The following CMYA5 variants were observed in gnomAD, a reference collection of about 807,000 sequenced individuals.
CMYA5 encodes the protein cardiomyopathy associated 5.
Under a neutral mutation model 318.9 loss-of-function variants are expected in CMYA5, and 246 were observed. The ratio of observed to expected loss-of-function variants is 0.77; its 90% CI spans 0.70 to 0.86. The LOEUF (loss-of-function observed/expected upper bound fraction) is 0.86, where lower values mean the gene tolerates loss of function less well. Ranked by LOEUF, CMYA5 falls within the 40% of genes least tolerant of loss-of-function variation. CMYA5 has a pLI of 0.00. For missense variants in CMYA5, 4,589 were observed against 4,678.2 expected, an observed-to-expected ratio of 0.98 and a Z score of 0.56; for synonymous variants, 1,641 against 1,729.5, an observed-to-expected ratio of 0.95 and a Z score of 1.27.
Position 79,730,613 on chromosome 5 carries a change from T to C in CMYA5, c.1848T>C (p.Val616=). The change falls in exon 2 of 13, where the codon GTT becomes GTC. Residue 616 remains valine, a synonymous_variant. Coordinates refer to ENST00000446378, the MANE Select transcript of CMYA5 (RefSeq NM_153610.5). ...HELQEQEGEP[V]PPSNVEAIAE... The stretch of plus-strand genomic sequence containing the variant: ...TACAGGAGCAAGAAGGTGAGCCAGT[T>C]CCCCCATCCAATGTAGAAGCTATAG... The C allele has an allele frequency of 6.2e-7, 1 of 1,613,954 alleles. No homozygotes were observed. The highest frequency in any genetic ancestry group is 8.5e-7 in the Non-Finnish European group (1 of 1,179,870).
intron 9 of CMYA5, among the ~76,000 whole-genome samples, chr5:79,788,608 G>A (rs954879239): frequency 1.2e-4 from 18 of 151,936 alleles, no homozygotes; most frequent in African/African-American, 2.4e-4. Flanking sequence ...CAAAATCATC[G>A]TAGATTGGTT....
At chr5:79,754,789 G>T (rs534113392) in intron 6 of CMYA5, among the ~76,000 whole-genome samples, 39 of 152,198 alleles carry the variant, frequency 2.6e-4, no homozygotes, top group African/African-American at 8.2e-4. Context: ...TCTTCATCTT[G>T]CAAAACAGAA....
At chr5:79,765,126 T>C (rs529023707) in intron 9 of CMYA5, among the ~76,000 whole-genome samples, 1 of 152,328 alleles carries the variant, frequency 6.6e-6, no homozygotes, top group South Asian at 2.1e-4. Context: ...TTTTAGGTCT[T>C]ACGTTTAAGT....
chr5:79,715,316 C>T (rs189786110), intron 1 of CMYA5, among the ~76,000 whole-genome samples: 2 of 151,268 alleles, frequency 1.3e-5, no homozygotes, highest in South Asian at 2.1e-4. Flanking sequence ...GTGACAGAGT[C>T]TCGCTCTGTC....
chr5:79,774,855 A>G (rs1327385440), intron 9 of CMYA5, among the ~76,000 whole-genome samples: 3 of 152,180 alleles, frequency 2.0e-5, no homozygotes, highest in African/African-American at 7.2e-5. Context: ...TAAGTTTCCT[A>G]ATGAACTTAG....
At position 79,732,545 on chromosome 5, in the gene CMYA5, A is replaced by C; in HGVS notation, c.3780A>C (p.Leu1260=). The C allele has an allele frequency of 6.2e-7, 1 of 1,613,106 alleles. No homozygotes were observed. Among genetic ancestry groups the C allele is most frequent in the Admixed American group, 1.7e-5 (1 of 59,832 alleles). The change falls in exon 2 of 13, where the codon CTA becomes CTC. Residue 1260 remains leucine, a synonymous_variant. Coordinates refer to ENST00000446378, the MANE Select transcript of CMYA5 (RefSeq NM_153610.5). ...AGGGTGTCAAGCCCAAATTAGTTCT[A>C]AATGTGACTTCTGAACTAGAACAGA... ...PKKGVKPKLV[L]NVTSELEQRK...
rs765794787 is a variant in CMYA5, at chr5:79,735,044, A to C, written c.6279A>C (p.Thr2093=). The change falls in exon 2 of 13, where the codon ACA becomes ACC. Residue 2093 remains threonine, a synonymous_variant. Transcript: ENST00000446378. ...ATGAAAAAGAAGCACACAGGAGCACACCTCCTTTTCCTGAAGAGAAGCCAT... is the reference window on the plus strand; with the variant it reads ...ATGAAAAAGAAGCACACAGGAGCACCCCTCCTTTTCCTGAAGAGAAGCCAT... ...LGNEKEAHRS[T]PPFPEEKPLE... The C allele has an allele frequency of 6.2e-7, 1 of 1,613,752 alleles. No homozygotes were observed. Among genetic ancestry groups the C allele is most frequent in the Non-Finnish European group, 8.5e-7 (1 of 1,179,786 alleles).
rs750671277 is a variant in CMYA5 at position 79,733,055 on chromosome 5, A to G, written c.4290A>G (p.Ser1430=). 9 of 1,613,500 alleles carry G rather than the reference A, an allele frequency of 5.6e-6. No individual in the cohort carries two copies. The highest frequency in any genetic ancestry group is 6.8e-6 in the Non-Finnish European group (8 of 1,179,694). The stretch of plus-strand genomic sequence containing the variant: ...AAGGTGCTTCTCCCATTGAAACTTC[A>G]TCCAAACATTTAGCTTGGTCAGAAG... ...AIKGASPIET[S]SKHLAWSEAE... is the part of the protein sequence containing the mutation. The change falls in exon 2 of 13, where the codon TCA becomes TCG. Residue 1430 remains serine, a synonymous_variant. Transcript: ENST00000446378.
chr5:79,719,143 GAT>G (rs1239868115), intron 1 of CMYA5, among the ~76,000 whole-genome samples: 2 of 152,190 alleles, frequency 1.3e-5, no homozygotes, highest in East Asian at 3.9e-4. Flanking sequence ...TCAAAACAAA[GAT>G]ATTGATGAAG....
intron 6 of CMYA5, among the ~76,000 whole-genome samples, chr5:79,755,124 C>G (rs1488796219): frequency 6.6e-6 from 1 of 152,134 alleles, no homozygotes; most frequent in Non-Finnish European, 1.5e-5. Context: ...AAATCTGTAT[C>G]TGGTCACAGA....
At chr5:79,763,491 T>A in intron 9 of CMYA5, 1 of 357,720 alleles carries the variant, frequency 2.8e-6, no homozygotes, top group Non-Finnish European at 5.1e-6. Context: ...ACTTCAGTCA[T>A]TAGACAGGAT....
intron 12 of CMYA5, among the ~76,000 whole-genome samples, chr5:79,796,871 A>C (rs1433009158): frequency 6.6e-6 from 1 of 152,138 alleles, no homozygotes; most frequent in Non-Finnish European, 1.5e-5. Flanking sequence ...GATCAATAAA[A>C]TTTAAAAACT....
chr5:79,736,166 G>A lies in CMYA5; in HGVS notation c.7401G>A (p.Leu2467=), dbSNP rs765676939. The change falls in exon 2 of 13, where the codon TTG becomes TTA. Residue 2467 remains leucine (L), a synonymous_variant. Transcript: ENST00000446378. ...ATTTGGAAAACAGATCATATACCTT[G>A]GCAGAAAAGAAGGTGCTGGCAGAAA... ...KDNLENRSYT[L]AEKKVLAEKQ... The A allele has an allele frequency of 6.2e-7, 1 of 1,613,590 alleles. No homozygotes were observed. The highest frequency in any genetic ancestry group is 8.5e-7 in the Non-Finnish European group (1 of 1,179,772).
Position 79,799,872 on chromosome 5 carries a change from A to AACCACC in CMYA5, c.*257_*258insCCACCA. On this transcript the variant is annotated 3_prime_UTR_variant, in exon 13 of 13. Transcript: ENST00000446378. ...TAAGTTTGAGTTCTTTCCTAAATTA[A>AACCACC]AAGATCTACACTTGAGTTGGGAACC... is the stretch of plus-strand genomic sequence containing the variant. The AACCACC allele has an allele frequency of 1.1e-4, 18 of 171,396 alleles. No individual in the cohort carries two copies. Among genetic ancestry groups the AACCACC allele is most frequent in the South Asian group, 2.8e-4 (2 of 7,158 alleles). 10.6% of individuals were successfully genotyped at this position (171,396 alleles called of 1,614,324 possible).
chr5:79,770,011 G>A (rs929245116), intron 9 of CMYA5, among the ~76,000 whole-genome samples: 4 of 152,218 alleles, frequency 2.6e-5, no homozygotes, highest in African/African-American at 9.6e-5. Flanking sequence ...AAGAGAGGAG[G>A]AATCTAGAGA....
At position 79,730,437 on chromosome 5, in the gene CMYA5, AAAG is replaced by A. The variant is rs752231445; in HGVS notation, c.1680_1682del (p.Glu561del). The A allele has an allele frequency of 7.1e-5, 115 of 1,613,940 alleles. 2 individuals are homozygous for A. The South Asian group carries it at 9.4e-4, about 13-fold the overall frequency. On this transcript the variant is annotated inframe_deletion, in exon 2 of 13. Transcript: ENST00000446378. ...ACATATGTCCCCTGAAGTGGAGCAC[AAAG>A]AAGAAGAGCTTATTCTACCATTATT...
chr5:79,732,426 T>C lies in CMYA5; in HGVS notation c.3661T>C (p.Ser1221Pro), dbSNP rs762046821. The change falls in exon 2 of 13, where the codon TCA becomes CCA. Residue 1221 changes from serine to proline, a missense_variant. Ser to Pro is a moderately conservative substitution (Grantham distance 74, BLOSUM62 -1). Coordinates refer to ENST00000446378, the MANE Select transcript of CMYA5 (RefSeq NM_153610.5). ...PDSQEATAHV[S>P]QDQKMEPQPP... Reference sequence around the variant, plus strand: ...TTCTCAAGAAGCTACAGCACATGTATCACAGGATCAAAAAATGGAGCCTCA... The same window carrying C: ...TTCTCAAGAAGCTACAGCACATGTACCACAGGATCAAAAAATGGAGCCTCA... 6.2e-7 allele frequency: 1 copy of C among 1,613,598 alleles called. No individual in the cohort carries two copies.
At position 79,733,235 on chromosome 5, in the gene CMYA5, G is replaced by C. The variant is rs765448596; in HGVS notation, c.4470G>C (p.Arg1490Ser). ...ATTCAGATAAATCTGAGGAAGCAAG[G>C]GTAGAAGACAAACAAGATCTTTTAT... ...SQHSDKSEEARVEDKQDLLFS... is the reference protein window; with the variant it reads ...SQHSDKSEEASVEDKQDLLFS... The change falls in exon 2 of 13, where the codon AGG becomes AGC. Residue 1490 changes from arginine (R) to serine (S), a missense_variant. Physicochemically the swap from Arg to Ser is moderately radical, Grantham distance 110 (BLOSUM62 -1). Around this residue, in one of 3 missense-constraint regions of CMYA5, gnomAD observed 2,132 missense variants for 2,131.3 expected, o/e 1.00. Transcript: ENST00000446378. 2 of 1,613,598 alleles carry C rather than the reference G, an allele frequency of 1.2e-6. No homozygotes were observed. The highest frequency in any genetic ancestry group is 1.1e-5 in the South Asian group (1 of 91,036).
At position 79,719,380 on chromosome 5, in the gene CMYA5, T is replaced by C. The variant is rs555898083; in HGVS notation, c.150-9535T>C. Among the ~76,000 whole-genome samples, 6 of 152,304 alleles carry C rather than the reference T, an allele frequency of 3.9e-5. No individual in the cohort carries two copies. The East Asian group carries it at 1.2e-3, about 29-fold the overall frequency. Reference sequence around the variant, plus strand: ...GATGAAATAGGTGTGCCTAGGAAGGTTGATCACAGCCTAAACAGGAAACAG... The same window carrying C: ...GATGAAATAGGTGTGCCTAGGAAGGCTGATCACAGCCTAAACAGGAAACAG... On this transcript the variant is annotated intron_variant, in intron 1 of 12. Coordinates refer to ENST00000446378, the MANE Select transcript of CMYA5 (RefSeq NM_153610.5).
Sources: gnomAD v4.1 joint callset for allele counts (sites outside exome capture counted in the v4.1 genomes callset) on GRCh38, gnomAD v4.1.1 for gene constraint, gnomAD v4.1.1 regional missense constraint, MANE v1.5 for transcripts, NCBI Gene and HGNC (gene_info 2026-07-23, HGNC 2026-07-21) for gene names.